The following PBX1 variants were observed in gnomAD, a reference collection of about 807,000 sequenced individuals.
The protein encoded by PBX1 is PBX homeobox 1, also known as pre-B-cell leukemia transcription factor 1.
A neutral mutation model predicts 53.4 loss-of-function variants in PBX1; 6 were observed. The ratio of observed to expected loss-of-function variants is 0.11; its 90% CI spans 0.06 to 0.22. The LOEUF (loss-of-function observed/expected upper bound fraction) is 0.22. Among genes scored for constraint, PBX1 ranks in the 10% least tolerant of loss-of-function variants. PBX1 has a pLI of 1.00. For synonymous variants in PBX1, 204 were observed against 212.3 expected (o/e 0.96, Z 0.34); for missense variants, 251 against 551.4 (o/e 0.46, Z 5.46).
intron 2 of PBX1, among the ~76,000 whole-genome samples, chr1:164,619,195 T>C (rs1657507959): frequency 6.6e-6 from 1 of 152,148 alleles, no homozygotes; most frequent in African/African-American, 2.4e-5. Flanking sequence ...ATTCCCTCTT[T>C]AGCTTACAGG....
chr1:164,880,458 G>C (rs1672619575), intron 2 of PBX1, among the ~76,000 whole-genome samples: 1 of 152,184 alleles, frequency 6.6e-6, no homozygotes, highest in African/African-American at 2.4e-5. Context: ...AGACACCAAG[G>C]TGTGGGGACT....
chr1:164,883,470 A>G (rs1486771433), intron 2 of PBX1, among the ~76,000 whole-genome samples: 1 of 152,208 alleles, frequency 6.6e-6, no homozygotes, highest in Non-Finnish European at 1.5e-5. Context: ...AAACAGAAAA[A>G]ATATCTTTAT....
intron 2 of PBX1, among the ~76,000 whole-genome samples, chr1:164,767,457 G>C (rs1230963004): frequency 6.6e-6 from 1 of 152,110 alleles, no homozygotes; most frequent in Non-Finnish European, 1.5e-5. Context: ...CATGTGCGGG[G>C]CCCGGAGAGG....
intron 2 of PBX1, among the ~76,000 whole-genome samples, chr1:164,705,273 A>G (rs1663365119): frequency 1.3e-5 from 2 of 152,242 alleles, no homozygotes; most frequent in African/African-American, 4.8e-5. Context: ...ACAGTATTAT[A>G]ATATGTCTGG....
chr1:164,875,735 T>C (rs1245799943), intron 2 of PBX1, among the ~76,000 whole-genome samples: 1 of 152,096 alleles, frequency 6.6e-6, no homozygotes, highest in Non-Finnish European at 1.5e-5. Flanking sequence ...CACACTCCTC[T>C]GAGCTGGGCA....
At chr1:164,744,043 T>C (rs549332450) in intron 2 of PBX1, among the ~76,000 whole-genome samples, 1 of 152,260 alleles carries the variant, frequency 6.6e-6, no homozygotes, top group East Asian at 1.9e-4. Flanking sequence ...ATGGACACGA[T>C]TGATTAGTCT....
chr1:164,583,478 G>A (rs1654758812), intron 2 of PBX1, among the ~76,000 whole-genome samples: 1 of 152,094 alleles, frequency 6.6e-6, no homozygotes, highest in Non-Finnish European at 1.5e-5. Context: ...GTCTACTCCT[G>A]ACTTGACCTG....
chr1:164,674,235 C>A (rs960273400), intron 2 of PBX1, among the ~76,000 whole-genome samples: 1 of 152,116 alleles, frequency 6.6e-6, no homozygotes, highest in African/African-American at 2.4e-5. Context: ...TTCCCGTTTG[C>A]AACATCAAGT....
chr1:164,666,624 A>G (rs1157472872), intron 2 of PBX1, among the ~76,000 whole-genome samples: 2 of 152,150 alleles, frequency 1.3e-5, no homozygotes, highest in Admixed American at 6.5e-5. Context: ...TCCCTATACT[A>G]GTTTCCAAGA....
chr1:164,706,228 G>A (rs1338627424), intron 2 of PBX1, among the ~76,000 whole-genome samples: 1 of 152,054 alleles, frequency 6.6e-6, no homozygotes, highest in African/African-American at 2.4e-5. Flanking sequence ...GTGGGTCACT[G>A]GGCTCCTCTG....
At chr1:164,864,709 T>C (rs1199158194) in intron 2 of PBX1, among the ~76,000 whole-genome samples, 6 of 152,192 alleles carry the variant, frequency 3.9e-5, no homozygotes, top group African/African-American at 1.4e-4. Flanking sequence ...CCAGGGCAGC[T>C]AGAATGGCCA....
At chr1:164,860,121 G>A (rs1047083864) in intron 2 of PBX1, among the ~76,000 whole-genome samples, 1 of 152,180 alleles carries the variant, frequency 6.6e-6, no homozygotes, top group African/African-American at 2.4e-5. Context: ...GAGGTGGAAG[G>A]ATGCTAGGCA....
chr1:164,678,529 T>C (rs1661570137), intron 2 of PBX1, among the ~76,000 whole-genome samples: 1 of 152,204 alleles, frequency 6.6e-6, no homozygotes, highest in African/African-American at 2.4e-5. Flanking sequence ...GCTGAGAACA[T>C]GAGCTGGTAA....
chr1:164,828,112 A>G (rs1670558238), intron 8 of PBX1, among the ~76,000 whole-genome samples: 1 of 152,208 alleles, frequency 6.6e-6, no homozygotes, highest in Non-Finnish European at 1.5e-5. Flanking sequence ...AACCCCAACC[A>G]AATAGATATA....
chr1:164,698,837 C>T (rs1662939207), intron 2 of PBX1, among the ~76,000 whole-genome samples: 1 of 152,190 alleles, frequency 6.6e-6, no homozygotes, highest in Middle Eastern at 3.2e-3. Context: ...CTCAGGTAAT[C>T]CTCACAACCA....
chr1:164,637,536 G>C (rs547218446), intron 2 of PBX1, among the ~76,000 whole-genome samples: 1 of 152,092 alleles, frequency 6.6e-6, no homozygotes, highest in Non-Finnish European at 1.5e-5. Flanking sequence ...CAGGAGGTAG[G>C]GTGAGGGAGT....
intron 2 of PBX1, chr1:164,640,919 T>A (rs1300328339): frequency 1.3e-5 from 2 of 152,430 alleles, no homozygotes; most frequent in Non-Finnish European, 2.9e-5. Flanking sequence ...TGTTAATAGC[T>A]TGACCTCTCT....
At chr1:164,642,582 G>A (rs971109326) in intron 2 of PBX1, 18 of 152,210 alleles carry the variant, frequency 1.2e-4, no homozygotes, top group African/African-American at 3.9e-4. Context: ...GTGGTAGATG[G>A]TAAGTGTTCA....
At chr1:164,845,399 C>T (rs1339969813) in intron 8 of PBX1, among the ~76,000 whole-genome samples, 1 of 151,678 alleles carries the variant, frequency 6.6e-6, no homozygotes, top group African/African-American at 2.4e-5. Flanking sequence ...ACAATAATAC[C>T]TGCCCCATCT....
Sources: gnomAD v4.1 joint callset for allele counts (sites outside exome capture counted in the v4.1 genomes callset) on GRCh38, gnomAD v4.1.1 for gene constraint, MANE v1.5 for transcripts, NCBI Gene and HGNC (gene_info 2026-07-23, HGNC 2026-07-21) for gene names.